GNE: variants seen among roughly 807,000 people sequenced by gnomAD.
GNE encodes bifunctional UDP-N-acetylglucosamine 2-epimerase/N-acetylmannosamine kinase.
Under a neutral mutation model 61.8 loss-of-function variants are expected in GNE, and 41 were observed. The observed-to-expected ratio is 0.66, with a 90% CI of 0.52 to 0.86. GNE has a LOEUF of 0.86. Among genes scored for constraint, GNE ranks in the 40% least tolerant of loss-of-function variants. GNE has a pLI of 0.00. For missense variants in GNE, 608 were observed against 909.1 expected (o/e 0.67, Z 4.26); for synonymous variants, 264 against 326.4 (o/e 0.81, Z 2.06).
chr9:36,227,156 G>A (rs1210649607), intron 7 of GNE, 92 bp downstream of exon 7: 5 of 781,034 alleles, frequency 6.4e-6, no homozygotes, highest in African/African-American at 1.7e-5. Context: ...TCTTGTGTAT[G>A]TTTCTAGTCT....
chr9:36,228,553 G>A (rs1317030800), intron 6 of GNE, among the ~76,000 whole-genome samples: 3 of 152,060 alleles, frequency 2.0e-5, no homozygotes, highest in Non-Finnish European at 2.9e-5. Context: ...AGCGCTTTGG[G>A]AGGCTGAGGC....
chr9:36,225,271 T>C (rs927992788), intron 7 of GNE, among the ~76,000 whole-genome samples: 3 of 152,230 alleles, frequency 2.0e-5, no homozygotes, highest in African/African-American at 4.8e-5. Flanking sequence ...TTTCCATTTA[T>C]ATTATTTTGT....
chr9:36,216,640 G>GATGATTATT lies in GNE; in HGVS notation c.*724_*725insAATAATCAT, dbSNP rs371217125. ...GTGAGCCACTGCGCCCAGCTGGAAGGATTATTATTATTATTATTATTATTA... is the reference window on the plus strand; with the variant it reads ...GTGAGCCACTGCGCCCAGCTGGAAGGATGATTATTATTATTATTATTATTATTATTATTA... On this transcript the variant is annotated 3_prime_UTR_variant, in exon 12 of 12. Transcript: ENST00000642385. 8.4e-5 allele frequency: 11 copies of GATGATTATT among 131,558 alleles called. No homozygotes were observed. The highest frequency in any genetic ancestry group is 1.6e-4 in the Admixed American group (2 of 12,850). 8.1% of individuals were successfully genotyped at this position (131,558 alleles called of 1,614,324 possible). A position where few individuals can be genotyped will look rare whatever the true frequency, so the allele number is the denominator to read the frequency against.
At chr9:36,242,084 C>T (rs1244748615) in intron 3 of GNE, among the ~76,000 whole-genome samples, 2 of 151,616 alleles carry the variant, frequency 1.3e-5, no homozygotes, top group East Asian at 1.9e-4. Context: ...TGCAGTGAGT[C>T]GAGACTGCGC....
rs1196225382 is a variant in GNE, at chr9:36,218,526, A to C, written c.1817-227T>G. ...GAACCTATCTTCCTGGAAAAACCTCAAGTCTGACGACAGCCTCCTACCCCT... is the reference window on the plus strand; with the variant it reads ...GAACCTATCTTCCTGGAAAAACCTCCAGTCTGACGACAGCCTCCTACCCCT... On this transcript the variant is annotated intron_variant, in intron 10 of 11. Transcript: ENST00000642385. The surrounding 1 kb of genome is among the most constrained non-coding windows in gnomAD (Gnocchi z 4.1). Among the ~76,000 whole-genome samples the C allele has an allele frequency of 6.6e-6, 1 of 152,176 alleles. No individual in the cohort carries two copies. Among genetic ancestry groups the C allele is most frequent in the Non-Finnish European group, 1.5e-5 (1 of 68,008 alleles).
chr9:36,236,861 G>A lies in GNE; in HGVS notation c.740C>T (p.Thr247Ile). Residue 247 changes from threonine to isoleucine, a missense_variant, in exon 4 of 12, where the codon ACC (threonine) becomes ATC (isoleucine). Coordinates refer to ENST00000642385, the MANE Select transcript of GNE (RefSeq NM_005476.7). ...GTCAATATTTGGAAACAGGACTAGGGTCCGCTTGTTAAATGAGATAAGTGC... is the reference window on the plus strand; with the variant it reads ...GTCAATATTTGGAAACAGGACTAGGATCCGCTTGTTAAATGAGATAAGTGC... ...LDALISFNKR[T>I]LVLFPNIDAG... 1 of 1,613,742 alleles carries A rather than the reference G, an allele frequency of 6.2e-7. No homozygotes were observed. The highest frequency in any genetic ancestry group is 1.1e-5 in the South Asian group (1 of 91,084).
intron 9 of GNE, among the ~76,000 whole-genome samples, chr9:36,221,137 G>A (rs626259): frequency 0.8 from 121,853 of 152,146 alleles, 49,448 homozygotes; most frequent in African/African-American, 0.87. Context: ...CCTGACCAAC[G>A]TGGTGAAACC....
At chr9:36,270,312 T>A (rs934429680) in intron 1 of GNE, among the ~76,000 whole-genome samples, 25 of 152,114 alleles carry the variant, frequency 1.6e-4, no homozygotes, top group South Asian at 1.2e-3. Flanking sequence ...ATGCTTTTTT[T>A]AAATGATTTT....
At chr9:36,253,103 G>C (rs897114392) in intron 1 of GNE, among the ~76,000 whole-genome samples, 1 of 151,910 alleles carries the variant, frequency 6.6e-6, no homozygotes, top group East Asian at 1.9e-4. Flanking sequence ...CGGAGCTTGC[G>C]GTGAGCCAAG....
intron 3 of GNE, among the ~76,000 whole-genome samples, chr9:36,238,611 G>GT (rs1413519343): frequency 6.6e-6 from 1 of 152,068 alleles, no homozygotes; most frequent in African/African-American, 2.4e-5. Flanking sequence ...TTACTGATTT[G>GT]TTTGAGTTCA....
rs181003442 is a variant in GNE, at chr9:36,258,006, G to C, written c.-43+315C>G. Among the ~76,000 whole-genome samples the C allele has an allele frequency of 4.1e-3, 624 of 152,028 alleles. 2 individuals carry two copies. Among genetic ancestry groups the C allele is most frequent in the Non-Finnish European group, 5.7e-3 (388 of 67,972 alleles). On this transcript the variant is annotated intron_variant, in intron 1 of 11. Coordinates refer to ENST00000642385, the MANE Select transcript of GNE (RefSeq NM_005476.7). ...TCTCGCCCCGCCCCGCTCCTAACGG[G>C]ACAGTCAGCATCCCCCCTGATTGGA...
chr9:36,224,221 C>T (rs531214512), intron 7 of GNE, among the ~76,000 whole-genome samples: 4 of 151,714 alleles, frequency 2.6e-5, no homozygotes, highest in East Asian at 2.0e-4. Flanking sequence ...GCGGGAGAAT[C>T]GCTTGGGCCC....
chr9:36,245,935 G>A (rs1829851523), intron 3 of GNE, 96 bp downstream of exon 3: 2 of 968,854 alleles, frequency 2.1e-6, no homozygotes, highest in East Asian at 2.4e-5. Flanking sequence ...TGCTAACAGA[G>A]TATTCTATCC....
chr9:36,259,901 A>T (rs2133171000), upstream of GNE, among the ~76,000 whole-genome samples: 1 of 152,186 alleles, frequency 6.6e-6, no homozygotes, highest in South Asian at 2.1e-4. Flanking sequence ...ACCTTAGGTG[A>T]TCCGCCCACT....
chr9:36,270,395 A>G (rs569993930), intron 1 of GNE, among the ~76,000 whole-genome samples: 1 of 152,252 alleles, frequency 6.6e-6, no homozygotes, highest in South Asian at 2.1e-4. Flanking sequence ...AAACTATTAT[A>G]TCAATAGTGT....
intron 3 of GNE, among the ~76,000 whole-genome samples, chr9:36,244,089 A>G (rs1829761554): frequency 6.6e-6 from 1 of 151,888 alleles, no homozygotes; most frequent in Admixed American, 6.6e-5. Context: ...CCAGCCTCCC[A>G]GGTAACTAGG....
chr9:36,265,541 A>T, intron 1 of GNE: 1 of 449,392 alleles, frequency 2.2e-6, no homozygotes, highest in Non-Finnish European at 4.5e-6. Context: ...ATTAAGCTGG[A>T]TATTCCTGTT....
Position 36,216,742 on chromosome 9 carries a change from G to A in GNE, c.*623C>T, listed in dbSNP as rs1828327678. 3 of 154,490 alleles carry A rather than the reference G, an allele frequency of 1.9e-5. No homozygotes were observed. Among genetic ancestry groups the A allele is most frequent in the African/African-American group, 7.3e-5 (3 of 40,840 alleles). 9.6% of individuals were successfully genotyped at this position (154,490 alleles called of 1,614,324 possible). ...GCTGGAGTGCAGTGGTGCGGTCTCA[G>A]TTCACTGCCAGCTCCGCCTCCCTGG... On this transcript the variant is annotated 3_prime_UTR_variant, in exon 12 of 12. Transcript: ENST00000642385.
At chr9:36,254,717 C>T (rs577100607) in intron 1 of GNE, among the ~76,000 whole-genome samples, 5 of 152,038 alleles carry the variant, frequency 3.3e-5, no homozygotes, top group African/African-American at 7.2e-5. Flanking sequence ...TTTGGGAGGA[C>T]GAGGCGGGCG....
Sources: gnomAD v4.1 joint callset for allele counts (sites outside exome capture counted in the v4.1 genomes callset) on GRCh38, gnomAD v4.1.1 for gene constraint, Gnocchi (gnomAD v3.1) non-coding constraint, MANE v1.5 for transcripts, NCBI Gene and HGNC (gene_info 2026-07-23, HGNC 2026-07-21) for gene names.